The following CNTN5 variants were observed in gnomAD, a reference collection of about 807,000 sequenced individuals.
CNTN5 encodes contactin 5, also known as contactin-5.
CNTN5 carries 77 observed loss-of-function variants against 129.1 expected under a neutral mutation model. That is an observed-to-expected ratio of 0.60 (90% CI 0.50 to 0.72). The LOEUF is 0.72. Ranked by LOEUF, CNTN5 falls within the 30% of genes least tolerant of loss-of-function variation. The probability of loss-of-function intolerance (pLI) is 0.00; values close to 1 mark genes in which losing one functional copy is unlikely to be tolerated. For missense variants in CNTN5, 1,478 were observed against 1,328.8 expected, an observed-to-expected ratio of 1.11 and a Z score of -1.75; for synonymous variants, 509 against 465.6, an observed-to-expected ratio of 1.09 and a Z score of -1.20.
intron 2 of CNTN5, among the ~76,000 whole-genome samples, chr11:99,544,197 G>A (rs561469427): frequency 2.0e-5 from 3 of 152,128 alleles, no homozygotes; most frequent in East Asian, 1.9e-4. Context: ...GTGAGAACTC[G>A]CTCACTATTG....
At chr11:99,078,718 C>A (rs1166321590) in intron 1 of CNTN5, among the ~76,000 whole-genome samples, 1 of 152,184 alleles carries the variant, frequency 6.6e-6, no homozygotes, top group East Asian at 1.9e-4. Flanking sequence ...TGTTCTTACT[C>A]ATTTGTGGGA....
At chr11:99,597,305 C>A (rs1300304119) in intron 3 of CNTN5, among the ~76,000 whole-genome samples, 1 of 152,142 alleles carries the variant, frequency 6.6e-6, no homozygotes, top group Non-Finnish European at 1.5e-5. Context: ...GTGATTCTAT[C>A]CCAATTAGTT....
intron 2 of CNTN5, among the ~76,000 whole-genome samples, chr11:99,413,428 A>G (rs2515378): frequency 1 from 152,080 of 152,226 alleles, 75,968 homozygotes; most frequent in Middle Eastern, 1. Flanking sequence ...AGACCAGCCT[A>G]GCCTACATGG....
intron 1 of CNTN5, among the ~76,000 whole-genome samples, chr11:99,222,515 A>G (rs1042817320): frequency 6.6e-6 from 1 of 152,074 alleles, no homozygotes. Context: ...GAATTTTCAA[A>G]TCAACCTTAT....
At chr11:99,680,874 A>AT (rs1323770747) in intron 3 of CNTN5, among the ~76,000 whole-genome samples, 4 of 151,992 alleles carry the variant, frequency 2.6e-5, no homozygotes, top group African/African-American at 9.7e-5. Flanking sequence ...TGCAAAGTAA[A>AT]TTAAAAACCT....
At chr11:99,906,813 C>G (rs1461135055) in intron 6 of CNTN5, among the ~76,000 whole-genome samples, 3 of 152,094 alleles carry the variant, frequency 2.0e-5, no homozygotes, top group South Asian at 4.1e-4. Context: ...ATTACTGCCT[C>G]AATTTCAGAG....
chr11:99,468,200 A>C (rs569211227), intron 2 of CNTN5, among the ~76,000 whole-genome samples: 1 of 152,174 alleles, frequency 6.6e-6, no homozygotes, highest in South Asian at 2.1e-4. Context: ...ACAAAAACGA[A>C]TATGCACAGC....
At chr11:100,319,016 A>T (rs1258399468) in intron 21 of CNTN5, among the ~76,000 whole-genome samples, 1 of 152,154 alleles carries the variant, frequency 6.6e-6, no homozygotes, top group Admixed American at 6.5e-5. Context: ...AAGTAAATAC[A>T]CTTGTCTAAC....
intron 9 of CNTN5, among the ~76,000 whole-genome samples, chr11:100,048,879 G>A (rs1422556982): frequency 3.3e-5 from 5 of 151,754 alleles, no homozygotes; most frequent in African/African-American, 1.2e-4. Flanking sequence ...AGAAAAATGT[G>A]GGAAGATACA....
At chr11:99,650,832 A>C (rs1352015259) in intron 3 of CNTN5, among the ~76,000 whole-genome samples, 1 of 151,978 alleles carries the variant, frequency 6.6e-6, no homozygotes, top group South Asian at 2.1e-4. Context: ...TTTGATACAT[A>C]AGCTAAATGC....
intron 15 of CNTN5, among the ~76,000 whole-genome samples, chr11:100,197,757 T>C (rs1948682717): frequency 6.6e-6 from 1 of 152,010 alleles, no homozygotes; most frequent in Admixed American, 6.6e-5. Context: ...CTGAATATCA[T>C]GGTGGCCTGC....
intron 2 of CNTN5, among the ~76,000 whole-genome samples, chr11:99,338,925 T>TATATATATATATATATATATATCTGTGAG (rs2136048587): frequency 1.0e-5 from 1 of 97,574 alleles, no homozygotes; most frequent in African/African-American, 3.7e-5. Flanking sequence ...CACAGATATA[T>TATATATATATATATATATATATCTGTGAG]ATATATATAT....
intron 3 of CNTN5, among the ~76,000 whole-genome samples, chr11:99,764,590 A>G (rs1486681750): frequency 6.6e-6 from 1 of 151,986 alleles, no homozygotes; most frequent in Non-Finnish European, 1.5e-5. Context: ...CTAATTTTGC[A>G]TTTTTAGTAG....
chr11:99,128,306 T>G (rs1276222830), intron 1 of CNTN5, among the ~76,000 whole-genome samples: 1 of 152,174 alleles, frequency 6.6e-6, no homozygotes, highest in African/African-American at 2.4e-5. Context: ...CTCCAGCTAG[T>G]GCTACGGAGA....
intron 9 of CNTN5, among the ~76,000 whole-genome samples, chr11:100,008,646 A>G (rs1015691381): frequency 1.3e-5 from 2 of 152,062 alleles, no homozygotes; most frequent in Non-Finnish European, 2.9e-5. Context: ...CATTATGTAA[A>G]CATACACTAT....
intron 13 of CNTN5, among the ~76,000 whole-genome samples, chr11:100,174,390 T>C (rs1947903416): frequency 6.6e-6 from 1 of 152,100 alleles, no homozygotes; most frequent in South Asian, 2.1e-4. Flanking sequence ...AAATAAACAA[T>C]TGTATGATAG....
intron 3 of CNTN5, among the ~76,000 whole-genome samples, chr11:99,672,971 G>A (rs1162089169): frequency 1.3e-5 from 2 of 152,060 alleles, no homozygotes; most frequent in African/African-American, 2.4e-5. Context: ...TCAGGGAGTT[G>A]GTGTTTCATG....
At chr11:99,725,350 C>G (rs567200523) in intron 3 of CNTN5, among the ~76,000 whole-genome samples, 4 of 151,810 alleles carry the variant, frequency 2.6e-5, no homozygotes, top group Non-Finnish European at 5.9e-5. Context: ...TGATAGAGAG[C>G]GATTTTCAAA....
At chr11:100,245,005 C>A (rs1161849710) in intron 16 of CNTN5, among the ~76,000 whole-genome samples, 1 of 152,112 alleles carries the variant, frequency 6.6e-6, no homozygotes, top group Non-Finnish European at 1.5e-5. Context: ...TCTCAGTTAT[C>A]CTTTATATCT....
Sources: gnomAD v4.1 joint callset for allele counts (sites outside exome capture counted in the v4.1 genomes callset) on GRCh38, gnomAD v4.1.1 for gene constraint, MANE v1.5 for transcripts, NCBI Gene and HGNC (gene_info 2026-07-23, HGNC 2026-07-21) for gene names.